The following RPS6KA5 variants were observed in gnomAD, a reference collection of about 807,000 sequenced individuals.
The protein encoded by RPS6KA5 is ribosomal protein S6 kinase alpha-5.
RPS6KA5 carries 27 observed loss-of-function variants against 85.5 expected under a neutral mutation model. The ratio of observed to expected loss-of-function variants is 0.32; its 90% confidence interval spans 0.23 to 0.44. The LOEUF (loss-of-function observed/expected upper bound fraction) is 0.44, where lower values mean the gene tolerates loss of function less well. RPS6KA5 is among the 20% of genes least tolerant of loss of function. RPS6KA5 has a pLI of 1.00. For synonymous variants in RPS6KA5, 334 were observed against 348.2 expected, an observed-to-expected ratio of 0.96 and a Z score of 0.46; for missense variants, 811 against 980.9, an observed-to-expected ratio of 0.83 and a Z score of 2.31.
chr14:90,927,825 C>A (rs530424268), intron 5 of RPS6KA5, among the ~76,000 whole-genome samples: 1 of 151,714 alleles, frequency 6.6e-6, no homozygotes, highest in Non-Finnish European at 1.5e-5. Context: ...TAAAGATATT[C>A]AAGATTTGAA....
intron 2 of RPS6KA5, among the ~76,000 whole-genome samples, chr14:90,998,004 T>C (rs1474866743): frequency 5.8e-5 from 6 of 103,574 alleles, no homozygotes; most frequent in African/African-American, 8.1e-5. Flanking sequence ...CGAGACTCTG[T>C]CTGAAAAAAA....
At chr14:90,927,709 A>G (rs2036748766) in intron 5 of RPS6KA5, among the ~76,000 whole-genome samples, 2 of 152,118 alleles carry the variant, frequency 1.3e-5, no homozygotes, top group Admixed American at 1.3e-4. Flanking sequence ...AATATATAAA[A>G]TAAAAATGGA....
chr14:90,974,336 T>TA (rs1254834288), intron 3 of RPS6KA5, among the ~76,000 whole-genome samples: 1 of 152,218 alleles, frequency 6.6e-6, no homozygotes, highest in Non-Finnish European at 1.5e-5. Context: ...AGTTAAAAGA[T>TA]ACTATAAGGA....
chr14:91,019,336 G>A (rs2041641912), intron 1 of RPS6KA5, among the ~76,000 whole-genome samples: 2 of 152,140 alleles, frequency 1.3e-5, no homozygotes, highest in African/African-American at 4.8e-5. Context: ...TAATGTGGGT[G>A]AGTGTCATCC....
chr14:90,920,904 T>A (rs1305045593), intron 6 of RPS6KA5, among the ~76,000 whole-genome samples: 9 of 152,046 alleles, frequency 5.9e-5, no homozygotes, highest in Admixed American at 5.9e-4. Context: ...AATCTTTTAT[T>A]TTATTTTATT....
At chr14:90,901,930 C>T (rs1293414088) in intron 9 of RPS6KA5, among the ~76,000 whole-genome samples, 1 of 152,140 alleles carries the variant, frequency 6.6e-6, no homozygotes, top group African/African-American at 2.4e-5. Context: ...GCCTAGAATC[C>T]CAGCACTTTG....
rs1378559153 is a variant in RPS6KA5 at position 91,030,616 on chromosome 14, A to G, written c.104-29457T>C. 4.3e-3 allele frequency among the ~76,000 whole-genome samples: 564 copies of G among 131,930 alleles called. 5 individuals carry two copies. The highest frequency in any genetic ancestry group is 0.016 in the African/African-American group (538 of 32,912). 86.6% of individuals were successfully genotyped at this position (131,930 alleles called of 152,430 possible). A position where few individuals can be genotyped will look rare whatever the true frequency, so the allele number is the denominator to read the frequency against. ...GCAAGACACCAAAATAAACAGAAAA[A>G]AAAAAAAAAAAAAAAAAAAAAAAGG... On this transcript the variant is annotated intron_variant, in intron 1 of 16. Coordinates refer to ENST00000614987, the MANE Select transcript of RPS6KA5 (RefSeq NM_004755.4).
rs571679369 is a variant in RPS6KA5 at position 90,906,218 on chromosome 14, T to C, written c.888A>G (p.Lys296=). 6.2e-7 allele frequency: 1 copy of C among 1,613,268 alleles called. No homozygotes were observed. Among genetic ancestry groups the C allele is most frequent in the African/African-American group, 1.3e-5 (1 of 75,034 alleles). ...AKDLIQRLLM[K]DPKKRLGCGP... is the part of the protein sequence containing the mutation. ...CACATCCCAATCTCTTCTTGGGATCTTTCATCAAAAGACGCTGAATTAGGT... is the reference window on the plus strand; with the variant it reads ...CACATCCCAATCTCTTCTTGGGATCCTTCATCAAAAGACGCTGAATTAGGT... The change falls in exon 8 of 17, where the codon AAA becomes AAG. Residue 296 remains lysine (K), a synonymous_variant. Transcript: ENST00000614987.
intron 1 of RPS6KA5, among the ~76,000 whole-genome samples, chr14:91,055,437 A>G (rs1231304189): frequency 6.6e-6 from 1 of 152,224 alleles, no homozygotes; most frequent in African/African-American, 2.4e-5. Context: ...ACAATGGAAC[A>G]CAATTTATCA....
intron 3 of RPS6KA5, among the ~76,000 whole-genome samples, chr14:90,954,752 G>A (rs896841056): frequency 1.3e-5 from 2 of 152,252 alleles, no homozygotes; most frequent in Non-Finnish European, 2.9e-5. Flanking sequence ...AGTAGCAATA[G>A]TTCAATTTCT....
intron 2 of RPS6KA5, among the ~76,000 whole-genome samples, chr14:90,992,711 G>T (rs182817609): frequency 1.8e-4 from 27 of 152,296 alleles, no homozygotes; most frequent in African/African-American, 5.8e-4. Context: ...TGCCTTGAAT[G>T]TGTGGCAGAA....
Position 90,861,944 on chromosome 14 carries a change from T to C in RPS6KA5, c.*10130A>G, listed in dbSNP as rs560985768. ...CAGATTTAAACTGTCATAAAATTCC[T>C]GCATTGTTGGGAAGTGGTAATGTAC... On this transcript the variant is annotated 3_prime_UTR_variant, in exon 17 of 17. Transcript: ENST00000614987. 2 of 150,490 alleles carry C rather than the reference T, an allele frequency of 1.3e-5. No individual in the cohort carries two copies. The highest frequency in any genetic ancestry group is 4.2e-4 in the South Asian group (2 of 4,746). 9.3% of individuals were successfully genotyped at this position (150,490 alleles called of 1,614,324 possible).
rs530885689 is a variant in RPS6KA5 at position 90,974,006 on chromosome 14, A to C, written c.394+4300T>G. 1.7e-4 allele frequency among the ~76,000 whole-genome samples: 25 copies of C among 142,976 alleles called. No homozygotes were observed. The East Asian group carries it at 4.3e-3, about 24-fold the overall frequency. The allele number at this position is 142,976 out of a possible 152,430, so 93.8% of individuals were successfully genotyped here. On this transcript the variant is annotated intron_variant, in intron 3 of 16. Coordinates refer to ENST00000614987, the MANE Select transcript of RPS6KA5 (RefSeq NM_004755.4). ...TGGGCCAAGATTGCACCACTGCACTACAGTCAAGGTGACAGAGTGAGACTC... is the reference window on the plus strand; with the variant it reads ...TGGGCCAAGATTGCACCACTGCACTCCAGTCAAGGTGACAGAGTGAGACTC...
chr14:90,981,872 A>G lies in RPS6KA5; in HGVS notation c.176-3348T>C, dbSNP rs77414148. 3.7e-3 allele frequency among the ~76,000 whole-genome samples: 564 copies of G among 152,368 alleles called. 4 individuals are homozygous for G. Among genetic ancestry groups the G allele is most frequent in the African/African-American group, 0.012 (488 of 41,586 alleles). On this transcript the variant is annotated intron_variant, in intron 2 of 16. Coordinates refer to ENST00000614987, the MANE Select transcript of RPS6KA5 (RefSeq NM_004755.4). ...TCTAAGAAGGCTGTGTAACTAAAAC[A>G]TAGTTGCCTCCAAACAGTTTTGTTT... is the stretch of plus-strand genomic sequence containing the variant.
Position 90,897,259 on chromosome 14 carries a change from C to T in RPS6KA5, c.1473+2070G>A, listed in dbSNP as rs562762408. 3.9e-5 allele frequency among the ~76,000 whole-genome samples: 6 copies of T among 152,312 alleles called. No homozygotes were observed. The East Asian group carries it at 1.2e-3, about 29-fold the overall frequency. ...CACCTGCCACTCACCTCCCGCTGTG[C>T]ACCTGGTTCTGCTCAAGAGGGAACC... On this transcript the variant is annotated intron_variant, in intron 12 of 16. Transcript: ENST00000614987.
intron 5 of RPS6KA5, among the ~76,000 whole-genome samples, chr14:90,923,406 T>G (rs1324465965): frequency 8.6e-5 from 13 of 151,196 alleles, no homozygotes; most frequent in Admixed American, 8.5e-4. Flanking sequence ...CAGAAAGACT[T>G]CTCATGCATG....
intron 3 of RPS6KA5, among the ~76,000 whole-genome samples, chr14:90,966,872 CA>C (rs2039087585): frequency 6.6e-6 from 1 of 152,090 alleles, no homozygotes; most frequent in African/African-American, 2.4e-5. Flanking sequence ...AGAGAGAAAG[CA>C]AAAGAGAACT....
At chr14:90,968,097 C>A (rs1485392011) in intron 3 of RPS6KA5, among the ~76,000 whole-genome samples, 1 of 152,192 alleles carries the variant, frequency 6.6e-6, no homozygotes, top group Non-Finnish European at 1.5e-5. Flanking sequence ...AAGGTGTCAG[C>A]AGGACTGCGT....
intron 1 of RPS6KA5, among the ~76,000 whole-genome samples, chr14:91,054,039 C>T (rs918239002): frequency 9.2e-5 from 14 of 152,152 alleles, no homozygotes; most frequent in African/African-American, 3.4e-4. Flanking sequence ...TAAACCCATA[C>T]ATCTATAGTC....
Sources: gnomAD v4.1 joint callset for allele counts (sites outside exome capture counted in the v4.1 genomes callset) on GRCh38, gnomAD v4.1.1 for gene constraint, MANE v1.5 for transcripts, NCBI Gene and HGNC (gene_info 2026-07-23, HGNC 2026-07-21) for gene names.